The following STK39 variants were observed in gnomAD, a reference collection of about 807,000 sequenced individuals.
The protein encoded by STK39 is serine/threonine kinase 39.
STK39 carries 20 observed loss-of-function variants against 77.8 expected under a neutral mutation model. The observed-to-expected ratio is 0.26, with a 90% CI of 0.18 to 0.37. STK39 has a LOEUF of 0.37. STK39 is among the 10% of genes least tolerant of loss of function. The pLI is 1.00. For synonymous variants in STK39, 246 were observed against 234.1 expected (o/e 1.05, Z -0.47); for missense variants, 479 against 656.5 (o/e 0.73, Z 2.95).
At chr2:167,980,839 T>C (rs577936944) in intron 16 of STK39, among the ~76,000 whole-genome samples, 1 of 152,074 alleles carries the variant, frequency 6.6e-6, no homozygotes, top group African/African-American at 2.4e-5. Flanking sequence ...TTTTTAAATC[T>C]GTAGTAATTT....
chr2:168,183,135 A>C (rs909389702), intron 1 of STK39, among the ~76,000 whole-genome samples: 5 of 152,100 alleles, frequency 3.3e-5, no homozygotes, highest in African/African-American at 1.2e-4. Flanking sequence ...GGGCTTTCCC[A>C]CCCCAAGGAA....
chr2:168,203,602 G>A, intron 1 of STK39, among the ~76,000 whole-genome samples: 1 of 151,940 alleles, frequency 6.6e-6, no homozygotes, highest in East Asian at 1.9e-4. Context: ...GATGAGTCTT[G>A]TTTTTTTTGA....
chr2:168,180,662 T>C (rs939638769), intron 2 of STK39, among the ~76,000 whole-genome samples: 1 of 152,120 alleles, frequency 6.6e-6, no homozygotes, highest in African/African-American at 2.4e-5. Context: ...CCTTGAAAAC[T>C]GGTTGGGTGA....
intron 1 of STK39, among the ~76,000 whole-genome samples, chr2:168,193,042 T>C (rs538368762): frequency 6.6e-6 from 1 of 152,242 alleles, no homozygotes; most frequent in South Asian, 2.1e-4. Flanking sequence ...CAAGATACAA[T>C]TAGCCCCACT....
At chr2:168,190,841 C>T (rs1435641129) in intron 1 of STK39, among the ~76,000 whole-genome samples, 2 of 152,178 alleles carry the variant, frequency 1.3e-5, no homozygotes. Flanking sequence ...TGAAAAACTT[C>T]CTGTTCTGCT....
intron 17 of STK39, among the ~76,000 whole-genome samples, chr2:167,959,774 A>T (rs1691894067): frequency 6.6e-6 from 1 of 152,196 alleles, no homozygotes; most frequent in African/African-American, 2.4e-5. Context: ...TTTTACAGTG[A>T]GTGACAGTGC....
chr2:167,972,889 C>G (rs1273677963), intron 16 of STK39, among the ~76,000 whole-genome samples: 2 of 152,064 alleles, frequency 1.3e-5, no homozygotes, highest in Non-Finnish European at 2.9e-5. Flanking sequence ...GATCCAAGAT[C>G]TAGTATAAAA....
At chr2:168,109,124 A>G (rs2105466350) in intron 10 of STK39, among the ~76,000 whole-genome samples, 2 of 152,288 alleles carry the variant, frequency 1.3e-5, no homozygotes, top group South Asian at 4.1e-4. Flanking sequence ...GCGATGTAAT[A>G]TTCAACATAT....
intron 1 of STK39, among the ~76,000 whole-genome samples, chr2:168,218,797 G>A (rs2105713106): frequency 6.6e-6 from 1 of 152,310 alleles, no homozygotes; most frequent in East Asian, 1.9e-4. Flanking sequence ...ATTAAACACA[G>A]AGAAAGCTAT....
At chr2:168,031,268 T>G (rs1362994713) in intron 14 of STK39, among the ~76,000 whole-genome samples, 1 of 152,210 alleles carries the variant, frequency 6.6e-6, no homozygotes, top group East Asian at 1.9e-4. Flanking sequence ...TGACACTGTT[T>G]CCAGGTCAGT....
intron 16 of STK39, among the ~76,000 whole-genome samples, chr2:167,998,667 T>C (rs1291910726): frequency 6.6e-6 from 1 of 152,222 alleles, no homozygotes; most frequent in Admixed American, 6.5e-5. Flanking sequence ...GGAATCCTAA[T>C]TTCCTTTTGA....
At chr2:168,225,402 A>T (rs1690278461) in intron 1 of STK39, among the ~76,000 whole-genome samples, 1 of 152,160 alleles carries the variant, frequency 6.6e-6, no homozygotes, top group Non-Finnish European at 1.5e-5. Flanking sequence ...TAGTTCCTCA[A>T]AGAGTATCAG....
chr2:167,955,535 T>C lies in STK39; in HGVS notation c.1599A>G (p.Glu533=). 1 of 1,613,896 alleles carries C rather than the reference T, an allele frequency of 6.2e-7. No individual in the cohort carries two copies. The highest frequency in any genetic ancestry group is 8.5e-7 in the Non-Finnish European group (1 of 1,179,908). ...ACTGAGCAAACCCAATCAGCTTCACTTCATCAGGAATCTCCGACCCATCAC... is the reference window on the plus strand; with the variant it reads ...ACTGAGCAAACCCAATCAGCTTCACCTCATCAGGAATCTCCGACCCATCAC... ...SGCDGSEIPD[E]VKLIGFAQLS... is the part of the protein sequence containing the mutation. The change falls in exon 18 of 18, where the codon GAA becomes GAG. Residue 533 remains glutamate (E), a synonymous_variant. Transcript: ENST00000355999.
At chr2:168,214,255 A>C (rs1272645477) in intron 1 of STK39, among the ~76,000 whole-genome samples, 1 of 56,710 alleles carries the variant, frequency 1.8e-5, no homozygotes, top group Non-Finnish European at 3.5e-5. Flanking sequence ...AACAACAACA[A>C]CAAAAAAAAA....
intron 1 of STK39, among the ~76,000 whole-genome samples, chr2:168,240,208 T>G (rs13401489): frequency 0.4 from 60,452 of 151,916 alleles, 12,438 homozygotes; most frequent in Non-Finnish European, 0.47. Context: ...GACTGGAAAT[T>G]ACAAGATGTG....
chr2:168,209,338 T>C (rs1689822715), intron 1 of STK39, among the ~76,000 whole-genome samples: 1 of 152,268 alleles, frequency 6.6e-6, no homozygotes, highest in African/African-American at 2.4e-5. Context: ...AAGGTAGGTG[T>C]ATTCTTAGAT....
At chr2:168,074,858 T>C in intron 12 of STK39, 124 bp downstream of exon 12, 1 of 1,138,702 alleles carries the variant, frequency 8.8e-7, no homozygotes, top group South Asian at 1.6e-5. Context: ...TGCAAAGTCC[T>C]CGTGCCTTTC....
chr2:168,210,030 A>AAGGAAGGAAGGAAGGAAGGAAGG (rs1689848352), intron 1 of STK39, among the ~76,000 whole-genome samples: 2 of 110,104 alleles, frequency 1.8e-5, no homozygotes, highest in South Asian at 6.3e-4. Context: ...GAAAGGAAAG[A>AAGGAAGGAAGGAAGGAAGGAAGG]AAGGAAGGAA....
intron 1 of STK39, among the ~76,000 whole-genome samples, chr2:168,240,595 C>G (rs1048540070): frequency 2.6e-5 from 4 of 152,192 alleles, no homozygotes; most frequent in African/African-American, 4.8e-5. Context: ...GGATGGCCAG[C>G]AGGTTTTGCC....
Sources: gnomAD v4.1 joint callset for allele counts (sites outside exome capture counted in the v4.1 genomes callset) on GRCh38, gnomAD v4.1.1 for gene constraint, MANE v1.5 for transcripts, NCBI Gene and HGNC (gene_info 2026-07-23, HGNC 2026-07-21) for gene names.